MSANTD3: variants seen among roughly 807,000 people sequenced by gnomAD.
The protein encoded by MSANTD3 is Myb/SANT DNA binding domain containing 3, also known as myb/SANT-like DNA-binding domain-containing protein 3.
A neutral mutation model predicts 27.7 loss-of-function variants in MSANTD3; 11 were observed. The observed-to-expected ratio is 0.40, with a 90% CI of 0.25 to 0.66. MSANTD3 has a LOEUF of 0.66. Among genes scored for constraint, MSANTD3 ranks in the 30% least tolerant of loss-of-function variants. MSANTD3 has a pLI of 0.41. For missense variants in MSANTD3, 250 were observed against 336.5 expected, an observed-to-expected ratio of 0.74 and a Z score of 2.01; for synonymous variants, 131 against 127.2, an observed-to-expected ratio of 1.03 and a Z score of -0.20.
chr9:100,448,979 G>A (rs1836821085), intron 2 of MSANTD3: 14 of 985,268 alleles, frequency 1.4e-5, no homozygotes, highest in Non-Finnish European at 1.7e-5. Flanking sequence ...TATTAACAGG[G>A]TATTATGAGT....
At position 100,438,091 on chromosome 9, in the gene MSANTD3, A is replaced by G. The variant is rs117222978; in HGVS notation, c.-33-3815A>G. Among the ~76,000 whole-genome samples, 836 of 152,314 alleles carry G rather than the reference A, an allele frequency of 5.5e-3. 1 individual carries two copies. Among genetic ancestry groups the G allele is most frequent in the Non-Finnish European group, 8.7e-3 (592 of 68,020 alleles). On this transcript the variant is annotated intron_variant, in intron 1 of 2. Coordinates refer to ENST00000395067, the MANE Select transcript of MSANTD3 (RefSeq NM_080655.3). ...AGGTACTGCACACATCTTGAGGAAG[A>G]ATTACATTGCTTGGAATTAATTCCA...
At chr9:100,444,581 C>T (rs1460711152) in intron 2 of MSANTD3, 2 of 152,562 alleles carry the variant, frequency 1.3e-5, no homozygotes, top group Admixed American at 6.5e-5. Context: ...CTGCTCTTTA[C>T]ATTGCTTATG....
intron 1 of MSANTD3, among the ~76,000 whole-genome samples, chr9:100,437,312 T>G (rs1836499522): frequency 6.6e-6 from 1 of 152,092 alleles, no homozygotes; most frequent in South Asian, 2.1e-4. Context: ...GGCTGATGAT[T>G]AGAGTGTTAA....
intron 1 of MSANTD3, among the ~76,000 whole-genome samples, chr9:100,435,354 C>T (rs1340360457): frequency 6.6e-6 from 1 of 152,122 alleles, no homozygotes; most frequent in Admixed American, 6.6e-5. Context: ...TCATGGTACC[C>T]ATTCTGAGTA....
chr9:100,450,494 TG>T (rs1836860396), intron 2 of MSANTD3, 62 bp from the exon 3 acceptor site: 1 of 1,381,400 alleles, frequency 7.2e-7, no homozygotes, highest in African/African-American at 1.4e-5. Flanking sequence ...GAAATAGGAT[TG>T]GTTTTTTTTT....
In MSANTD3 at chr9:100,451,156, A is replaced by G. The variant is rs1836876626; in HGVS notation, c.*190A>G. ...CCCCTTAAGTGGCAAAGAAGCTGTT[A>G]TAGTCTTCTGAAAATTATCACTATG... On this transcript the variant is annotated 3_prime_UTR_variant, in exon 3 of 3. Coordinates refer to ENST00000395067, the MANE Select transcript of MSANTD3 (RefSeq NM_080655.3). 1.9e-6 allele frequency: 1 copy of G among 540,478 alleles called. No homozygotes were observed. 33.5% of individuals were successfully genotyped at this position (540,478 alleles called of 1,614,324 possible).
At chr9:100,443,764 C>A (rs933652382) in intron 2 of MSANTD3, among the ~76,000 whole-genome samples, 1 of 152,118 alleles carries the variant, frequency 6.6e-6, no homozygotes, top group African/African-American at 2.4e-5. Context: ...GATAAATTTC[C>A]AGAAATTCCT....
At chr9:100,445,365 G>T in intron 2 of MSANTD3, 1 of 599,006 alleles carries the variant, frequency 1.7e-6, no homozygotes, top group South Asian at 2.5e-5. Context: ...GCCACATGAG[G>T]CTCATAGGCA....
intron 2 of MSANTD3, 21 bp downstream of exon 2, chr9:100,442,377 T>C: frequency 6.3e-7 from 1 of 1,595,532 alleles, no homozygotes; most frequent in Non-Finnish European, 8.5e-7. Flanking sequence ...CTGATGCCAG[T>C]GTGCACGCTC....
In MSANTD3 at chr9:100,443,296, GGC is replaced by G. The variant is rs572769880; in HGVS notation, c.418+941_418+942del. Among the ~76,000 whole-genome samples, 12 of 152,204 alleles carry G rather than the reference GGC, an allele frequency of 7.9e-5. No individual in the cohort carries two copies. In the South Asian group the frequency reaches 2.5e-3, roughly 32 times the overall value. ...TGCCTGTAATCCCAGCTACTTGGGA[GGC>G]TGAGGCAGGAGAATCGCTTGAATTC... On this transcript the variant is annotated intron_variant, in intron 2 of 2. Coordinates refer to ENST00000395067, the MANE Select transcript of MSANTD3 (RefSeq NM_080655.3).
At chr9:100,433,977 G>A (rs77855651) in intron 1 of MSANTD3, among the ~76,000 whole-genome samples, 20,123 of 152,104 alleles carry the variant, frequency 0.13, 1,669 homozygotes, top group Middle Eastern at 0.2. Context: ...ATGTCCCTAG[G>A]CTCATCTCTG....
intron 2 of MSANTD3, chr9:100,445,276 C>A: frequency 1.7e-6 from 2 of 1,149,282 alleles, no homozygotes; most frequent in Non-Finnish European, 2.6e-6. Flanking sequence ...CTCATTACAT[C>A]TTGTGTATTT....
At chr9:100,436,257 C>T (rs1230484824) in intron 1 of MSANTD3, among the ~76,000 whole-genome samples, 5 of 152,148 alleles carry the variant, frequency 3.3e-5, no homozygotes, top group African/African-American at 1.2e-4. Flanking sequence ...CAAGTGATCA[C>T]CCTGCCTCAG....
At chr9:100,445,105 G>A in intron 2 of MSANTD3, 1 of 920,754 alleles carries the variant, frequency 1.1e-6, no homozygotes, top group Non-Finnish European at 1.8e-6. Flanking sequence ...AGTAGGTAGG[G>A]TACTGGTACT....
intron 2 of MSANTD3, among the ~76,000 whole-genome samples, chr9:100,446,375 A>G (rs1587793818): frequency 6.6e-6 from 1 of 151,894 alleles, no homozygotes; most frequent in Non-Finnish European, 1.5e-5. Flanking sequence ...TTTTTATTCC[A>G]TTCTTTCATT....
At chr9:100,433,258 CTTTAAA>C (rs1029266659) in intron 1 of MSANTD3, among the ~76,000 whole-genome samples, 4 of 152,114 alleles carry the variant, frequency 2.6e-5, no homozygotes, top group African/African-American at 9.7e-5. Flanking sequence ...TGAGGTCCTT[CTTTAAA>C]TTTATTTATA....
intron 1 of MSANTD3, chr9:100,429,812 C>G (rs1046099591): frequency 1.3e-5 from 2 of 152,056 alleles, no homozygotes; most frequent in East Asian, 3.9e-4. Context: ...AAGCGATTCT[C>G]TTGTCTCAGC....
At chr9:100,444,902 C>T (rs1836717618) in intron 2 of MSANTD3, 2 of 314,540 alleles carry the variant, frequency 6.4e-6, no homozygotes, top group Non-Finnish European at 1.2e-5. Flanking sequence ...AATAGTGACT[C>T]AAGTATAAAC....
chr9:100,451,184 T>G lies in MSANTD3; in HGVS notation c.*218T>G, dbSNP rs1836877742. 2.0e-6 allele frequency: 1 copy of G among 494,032 alleles called. No individual in the cohort carries two copies. 30.6% of individuals were successfully genotyped at this position (494,032 alleles called of 1,614,324 possible). On this transcript the variant is annotated 3_prime_UTR_variant, in exon 3 of 3. Coordinates refer to ENST00000395067, the MANE Select transcript of MSANTD3 (RefSeq NM_080655.3). ...GTCTTCTGAAAATTATCACTATGAGTGCTATAATTCTGAATATAATGTCTC... is the reference window on the plus strand; with the variant it reads ...GTCTTCTGAAAATTATCACTATGAGGGCTATAATTCTGAATATAATGTCTC...
Sources: allele counts gnomAD v4.1 joint callset (sites outside exome capture counted in the v4.1 genomes callset), GRCh38; gene constraint gnomAD v4.1.1; transcripts MANE v1.5; gene names NCBI Gene and HGNC (gene_info 2026-07-23, HGNC 2026-07-21).